MRPL3: variants seen among roughly 807,000 people sequenced by gnomAD.
The protein encoded by MRPL3 is large ribosomal subunit protein uL3m.
In MRPL3, 43 loss-of-function variants were observed where a neutral mutation model predicts 44.3. The ratio of observed to expected loss-of-function variants is 0.97; its 90% CI spans 0.76 to 1.25. The LOEUF is 1.25. Among genes scored for constraint, MRPL3 ranks in the 50% most tolerant of loss-of-function variants. MRPL3 has a pLI of 0.00. For synonymous variants in MRPL3, 171 were observed against 152.3 expected, an observed-to-expected ratio of 1.12 and a Z score of -0.91; for missense variants, 406 against 427.6, an observed-to-expected ratio of 0.95 and a Z score of 0.45.
At position 131,477,608 on chromosome 3, in the gene MRPL3, CTATT is replaced by C. The variant is rs747414743; in HGVS notation, c.630-6333_630-6330del. Among the ~76,000 whole-genome samples, 7 of 152,208 alleles carry C rather than the reference CTATT, an allele frequency of 4.6e-5. No individual in the cohort carries two copies. In the South Asian group the frequency reaches 1.5e-3, roughly 32 times the overall value. ...TGTTGAACAATAATCAACTCAAGGC[CTATT>C]TATTTTTTTCATCTGTTCCTCTCCT... is the stretch of plus-strand genomic sequence containing the variant. On this transcript the variant is annotated intron_variant, in intron 6 of 9. Coordinates refer to ENST00000264995, the MANE Select transcript of MRPL3 (RefSeq NM_007208.4).
At chr3:131,476,595 G>T (rs1352920433) in intron 6 of MRPL3, among the ~76,000 whole-genome samples, 1 of 151,988 alleles carries the variant, frequency 6.6e-6, no homozygotes, top group East Asian at 1.9e-4. Context: ...GCTTAAAGTG[G>T]AAAGAACATA....
At chr3:131,492,998 T>C (rs114465954) in intron 4 of MRPL3, among the ~76,000 whole-genome samples, 1,614 of 152,364 alleles carry the variant, frequency 0.011, 26 homozygotes, top group African/African-American at 0.035. Flanking sequence ...CCACTTTTTA[T>C]TTCCTGATGT....
At chr3:131,465,016 C>G (rs1933570557) in intron 9 of MRPL3, among the ~76,000 whole-genome samples, 1 of 152,176 alleles carries the variant, frequency 6.6e-6, no homozygotes, top group Non-Finnish European at 1.5e-5. Flanking sequence ...AAAATGTTCC[C>G]CAAATTCATA....
At chr3:131,488,018 T>C (rs1458115624) in intron 5 of MRPL3, among the ~76,000 whole-genome samples, 1 of 152,228 alleles carries the variant, frequency 6.6e-6, no homozygotes, top group Non-Finnish European at 1.5e-5. Context: ...TTCTTGGTTG[T>C]TTTAGTGAAT....
intron 8 of MRPL3, among the ~76,000 whole-genome samples, chr3:131,468,911 TGTTTCCA>T (rs1233084466): frequency 6.6e-6 from 1 of 152,094 alleles, no homozygotes; most frequent in Non-Finnish European, 1.5e-5. Flanking sequence ...TGCACCAAAA[TGTTTCCA>T]GTGATTGTCT....
intron 9 of MRPL3, among the ~76,000 whole-genome samples, chr3:131,463,448 G>A (rs1424846184): frequency 6.6e-6 from 1 of 151,402 alleles, no homozygotes; most frequent in Non-Finnish European, 1.5e-5. Context: ...TCAAATTTGG[G>A]TAAGGGCCTT....
intron 5 of MRPL3, 118 bp from the exon 6 acceptor site, chr3:131,487,858 T>C: frequency 2.9e-6 from 2 of 701,126 alleles, no homozygotes; most frequent in Non-Finnish European, 4.8e-6. Flanking sequence ...TAAGAGATTC[T>C]CTTCTGCAAT....
chr3:131,500,071 C>G (rs1934459003), intron 3 of MRPL3, among the ~76,000 whole-genome samples: 1 of 151,936 alleles, frequency 6.6e-6, no homozygotes, highest in Non-Finnish European at 1.5e-5. Context: ...ATTCTGTTAG[C>G]AAAAAGATCA....
At chr3:131,467,654 C>A (rs1017297734) in intron 9 of MRPL3, among the ~76,000 whole-genome samples, 1 of 152,126 alleles carries the variant, frequency 6.6e-6, no homozygotes, top group African/African-American at 2.4e-5. Flanking sequence ...TCTCCTTCCC[C>A]TTTTGCCATG....
At chr3:131,479,030 C>T (rs1933917581) in intron 6 of MRPL3, 1 of 416,856 alleles carries the variant, frequency 2.4e-6, no homozygotes, top group Non-Finnish European at 4.7e-6. Context: ...AATCAAAATC[C>T]ATACTCTAAG....
intron 6 of MRPL3, among the ~76,000 whole-genome samples, chr3:131,486,427 T>C (rs1411381079): frequency 8.6e-6 from 1 of 115,708 alleles, no homozygotes; most frequent in Non-Finnish European, 1.7e-5. Context: ...ATAGGCAACC[T>C]ACAGAATGGG....
intron 9 of MRPL3, 52 bp downstream of exon 9, chr3:131,468,039 G>C: frequency 1.1e-6 from 1 of 894,426 alleles, no homozygotes; most frequent in Non-Finnish European, 1.6e-6. Context: ...GTTAGCTTGC[G>C]AGTAAGAAAC....
chr3:131,486,709 A>G (rs975443901), intron 6 of MRPL3, among the ~76,000 whole-genome samples: 14 of 152,338 alleles, frequency 9.2e-5, no homozygotes, highest in African/African-American at 3.4e-4. Context: ...ACATGAAAAA[A>G]TGCTCATCAC....
intron 8 of MRPL3, among the ~76,000 whole-genome samples, 196 bp downstream of exon 8, chr3:131,469,500 A>G (rs775218678): frequency 4.7e-5 from 7 of 147,598 alleles, no homozygotes; most frequent in Non-Finnish European, 1.0e-4. Flanking sequence ...AATATACCCT[A>G]TCATTACTAC....
chr3:131,462,772 T>C lies in MRPL3; in HGVS notation c.998A>G (p.Tyr333Cys), dbSNP rs762617377. 4 of 1,613,226 alleles carry C rather than the reference T, an allele frequency of 2.5e-6. No homozygotes were observed. In the Admixed American group the frequency reaches 6.7e-5, roughly 27 times the overall value. The change falls in exon 10 of 10, where the codon TAT (tyrosine) becomes TGT (cysteine). Residue 333 changes from tyrosine (Y) to cysteine (C), a missense_variant. Physicochemically the swap from Tyr to Cys is radical, Grantham distance 194. Transcript: ENST00000264995. ...GDEEELPEDL[Y>C]DENVCQPGAP... ...ACCGGGCTGACACACGTTTTCATCA[T>C]ACAAATCTTCTGGCAGTTCCTCTTC... is the stretch of plus-strand genomic sequence containing the variant.
intron 6 of MRPL3, among the ~76,000 whole-genome samples, chr3:131,483,396 C>A (rs1363623019): frequency 6.6e-6 from 1 of 152,056 alleles, no homozygotes; most frequent in South Asian, 2.1e-4. Context: ...TTCTGCTAGG[C>A]AGTTTTATTT....
In MRPL3 at chr3:131,471,454, TG is replaced by T. The variant is rs1380944535; in HGVS notation, c.630-176del. 64 of 563,958 alleles carry T rather than the reference TG, an allele frequency of 1.1e-4. No individual in the cohort carries two copies. The South Asian group carries it at 1.4e-3, about 12-fold the overall frequency. 34.9% of individuals were successfully genotyped at this position (563,958 alleles called of 1,614,324 possible). A position where few individuals can be genotyped will look rare whatever the true frequency, so the allele number is the denominator to read the frequency against. ...CTGCAAATAAATATTCCTTTATCTC[TG>T]TCTTGGTCTGCACCCCTTCCTGGAG... On this transcript the variant is annotated intron_variant, in intron 6 of 9. Coordinates refer to ENST00000264995, the MANE Select transcript of MRPL3 (RefSeq NM_007208.4).
chr3:131,491,564 T>C (rs1291480832), intron 4 of MRPL3, among the ~76,000 whole-genome samples: 1 of 152,148 alleles, frequency 6.6e-6, no homozygotes, highest in Non-Finnish European at 1.5e-5. Context: ...CCAGGCCTTC[T>C]TCCAAATCTC....
chr3:131,501,631 T>C lies in MRPL3; in HGVS notation c.177A>G (p.Pro59=). 6.2e-7 allele frequency: 1 copy of C among 1,613,290 alleles called. No homozygotes were observed. Among genetic ancestry groups the C allele is most frequent in the South Asian group, 1.1e-5 (1 of 91,044 alleles). The change falls in exon 2 of 10, where the codon CCA becomes CCG. Residue 59 remains proline, a synonymous_variant. Coordinates refer to ENST00000264995, the MANE Select transcript of MRPL3 (RefSeq NM_007208.4). ...WDEHLSEENV[P]FIKQLVSDED... ...CATCAGAGACCAACTGCTTAATGAA[T>C]GGGACATTTTCTTCAGAAAGATGCT... is the stretch of plus-strand genomic sequence containing the variant.
Sources: gnomAD v4.1 joint callset for allele counts (sites outside exome capture counted in the v4.1 genomes callset) on GRCh38, gnomAD v4.1.1 for gene constraint, MANE v1.5 for transcripts, NCBI Gene and HGNC (gene_info 2026-07-23, HGNC 2026-07-21) for gene names.